CENPM: variants seen among roughly 807,000 people sequenced by gnomAD.
CENPM encodes the protein interphase centromere complex protein 39.
A neutral mutation model predicts 19.6 loss-of-function variants in CENPM; 14 were observed. The ratio of observed to expected loss-of-function variants is 0.71; its 90% confidence interval spans 0.47 to 1.11. CENPM has a LOEUF of 1.11. CENPM is among the 50% of genes most tolerant of loss of function. CENPM has a pLI of 0.00. For synonymous variants in CENPM, 114 were observed against 101.5 expected, an observed-to-expected ratio of 1.12 and a Z score of -0.74; for missense variants, 239 against 228.4, an observed-to-expected ratio of 1.05 and a Z score of -0.30.
downstream of CENPM, among the ~76,000 whole-genome samples, chr22:41,935,643 C>T (rs1346448886): frequency 6.6e-6 from 1 of 152,168 alleles, no homozygotes; most frequent in Admixed American, 6.5e-5. Flanking sequence ...GGGCTTTTTG[C>T]TGCGGGCGAA....
At chr22:41,942,595 C>T (rs1395862913) in intron 5 of CENPM, among the ~76,000 whole-genome samples, 2 of 151,812 alleles carry the variant, frequency 1.3e-5, no homozygotes, top group Admixed American at 6.6e-5. Context: ...CTAAAAAATA[C>T]AAAAAATTAG....
At chr22:41,937,196 C>A (rs1246866362), downstream of CENPM, among the ~76,000 whole-genome samples, 1 of 152,232 alleles carries the variant, frequency 6.6e-6, no homozygotes, top group Non-Finnish European at 1.5e-5. Context: ...CAATCTCTCG[C>A]CATCAACCCC....
chr22:41,939,830 G>GAAAGAA (rs1569425768), intron 5 of CENPM, among the ~76,000 whole-genome samples: 10 of 21,428 alleles, frequency 4.7e-4, no homozygotes, highest in African/African-American at 1.4e-3. Flanking sequence ...AAGAAAGAAA[G>GAAAGAA]AAAGAAAGAA....
the CENPM span, among the ~76,000 whole-genome samples, chr22:41,930,290 C>T: frequency 9.9e-5 from 15 of 151,184 alleles, no homozygotes; most frequent in Non-Finnish European, 1.3e-4. Context: ...AGTGCAGTGG[C>T]GTGATCTCGG....
downstream of CENPM, among the ~76,000 whole-genome samples, chr22:41,935,815 C>T (rs566912322): frequency 3.3e-5 from 5 of 152,132 alleles, no homozygotes; most frequent in Non-Finnish European, 5.9e-5. Flanking sequence ...CTGGAGCACA[C>T]GGGCTGTCTC....
At chr22:41,940,830 G>T (rs2077732687) in intron 5 of CENPM, among the ~76,000 whole-genome samples, 1 of 152,094 alleles carries the variant, frequency 6.6e-6, no homozygotes, top group Admixed American at 6.5e-5. Flanking sequence ...GGCTGCTGAG[G>T]CTTGGGTTCC....
chr22:41,946,668 T>A (rs2077807851), intron 1 of CENPM, 172 bp from the exon 2 acceptor site: 3 of 620,196 alleles, frequency 4.8e-6, no homozygotes, highest in Non-Finnish European at 8.5e-6. Context: ...GCCTGAGGTT[T>A]GGACCCGCTG....
At chr22:41,927,443 C>A in the CENPM span, among the ~76,000 whole-genome samples, 1 of 152,164 alleles carries the variant, frequency 6.6e-6, no homozygotes, top group African/African-American at 2.4e-5. Flanking sequence ...GCCATCTCCC[C>A]CAACCCACCT....
chr22:41,946,631 G>A, intron 1 of CENPM, 135 bp from the exon 2 acceptor site: 1 of 725,426 alleles, frequency 1.4e-6, no homozygotes, highest in South Asian at 1.8e-5. Context: ...CCGAGAAGTG[G>A]ACCCCGCGAA....
intron 2 of CENPM, 129 bp downstream of exon 2, chr22:41,946,288 C>G: frequency 1.2e-6 from 1 of 817,746 alleles, no homozygotes; most frequent in Non-Finnish European, 2.0e-6. Context: ...GACTAGCCAG[C>G]TACGCTGCAT....
At chr22:41,940,269 C>A in intron 5 of CENPM, 1 of 683,426 alleles carries the variant, frequency 1.5e-6, no homozygotes, top group Non-Finnish European at 2.7e-6. Context: ...TTTGCAGGGG[C>A]GTTCCCTGGT....
the CENPM span, among the ~76,000 whole-genome samples, chr22:41,931,234 C>T: frequency 6.7e-6 from 1 of 150,146 alleles, no homozygotes; most frequent in Non-Finnish European, 1.5e-5. Flanking sequence ...TTTGGGAGAC[C>T]GAGGCGGGTG....
the CENPM span, among the ~76,000 whole-genome samples, chr22:41,932,762 G>A: frequency 1.3e-5 from 2 of 152,240 alleles, no homozygotes; most frequent in Non-Finnish European, 2.9e-5. This position sits in a 1 kb window ranked among gnomAD's most constrained non-coding sequence, Gnocchi z 4.3. Context: ...TAGGCAAGGG[G>A]GAGAGGAACG....
chr22:41,945,768 T>G, intron 3 of CENPM, 145 bp downstream of exon 3: 1 of 643,434 alleles, frequency 1.6e-6, no homozygotes, highest in Non-Finnish European at 2.7e-6. Flanking sequence ...CACTGACCAC[T>G]GGCTCCTCTC....
chr22:41,944,092 T>C (rs570357217), intron 4 of CENPM: 2 of 985,132 alleles, frequency 2.0e-6, no homozygotes, highest in East Asian at 1.1e-4. Context: ...TTTGAGGTAT[T>C]TGTAGGGGTT....
chr22:41,939,269 G>T (rs1399760413), intron 5 of CENPM, 73 bp from the exon 6 acceptor site: 25 of 1,502,168 alleles, frequency 1.7e-5, no homozygotes, highest in Admixed American at 2.1e-5. Context: ...AGCTGCAGGG[G>T]CTGCCAGAGC....
downstream of CENPM, among the ~76,000 whole-genome samples, chr22:41,934,727 G>T (rs1012429243): frequency 1.3e-5 from 2 of 152,200 alleles, no homozygotes; most frequent in Non-Finnish European, 2.9e-5. Context: ...TAGGAAGAAA[G>T]GCATCGGTTA....
At chr22:41,942,532 C>T (rs2077750927) in intron 5 of CENPM, among the ~76,000 whole-genome samples, 1 of 152,024 alleles carries the variant, frequency 6.6e-6, no homozygotes, top group Non-Finnish European at 1.5e-5. Context: ...GGGCGGATCA[C>T]GAGGTCAGGA....
At chr22:41,946,195 TC>T in intron 2 of CENPM, 190 bp from the exon 3 acceptor site, 1 of 654,826 alleles carries the variant, frequency 1.5e-6, no homozygotes, top group South Asian at 1.8e-5. Flanking sequence ...TTCAGATTAC[TC>T]CTGTCTGATT....
Sources: allele counts gnomAD v4.1 joint callset (sites outside exome capture counted in the v4.1 genomes callset), GRCh38; gene constraint gnomAD v4.1.1; non-coding constraint Gnocchi (gnomAD v3.1); transcripts MANE v1.5; gene names NCBI Gene and HGNC (gene_info 2026-07-23, HGNC 2026-07-21).